Variants in FBXO4 observed in about 807,000 individuals in gnomAD.
The protein encoded by FBXO4 is F-box protein 4, also known as F-box only protein 4.
In FBXO4, 36 loss-of-function variants were observed where a neutral mutation model predicts 43.7. The observed-to-expected ratio is 0.82, with a 90% CI of 0.63 to 1.09. FBXO4 has a LOEUF of 1.09. FBXO4 is among the 50% of genes least tolerant of loss of function. FBXO4 has a pLI of 0.00. For synonymous variants in FBXO4, 180 were observed against 165.6 expected, an observed-to-expected ratio of 1.09 and a Z score of -0.67; for missense variants, 435 against 474.1, an observed-to-expected ratio of 0.92 and a Z score of 0.77.
chr5:41,958,376 G>T, the FBXO4 span, among the ~76,000 whole-genome samples: 430 of 152,124 alleles, frequency 2.8e-3, 1 homozygote, highest in African/African-American at 8.9e-3. Context: ...CCTCGTGATC[G>T]CCCACCTTGT....
At chr5:42,018,946 T>C in the FBXO4 span, among the ~76,000 whole-genome samples, 5 of 152,290 alleles carry the variant, frequency 3.3e-5, no homozygotes, top group African/African-American at 1.2e-4. Context: ...GTCAGCATCT[T>C]GTCATTCAGT....
the FBXO4 span, among the ~76,000 whole-genome samples, chr5:41,974,997 C>G: frequency 9.2e-5 from 14 of 152,156 alleles, no homozygotes; most frequent in African/African-American, 3.4e-4. Flanking sequence ...TGCTATGGTC[C>G]CAGTGCCATT....
downstream of FBXO4, among the ~76,000 whole-genome samples, chr5:41,943,354 A>G (rs62361679): frequency 2.4e-3 from 363 of 152,242 alleles, 2 homozygotes; most frequent in Non-Finnish European, 4.5e-3. Context: ...ACCTAACCCA[A>G]ATTTCCACTC....
At chr5:42,025,599 A>T in the FBXO4 span, among the ~76,000 whole-genome samples, 1 of 151,720 alleles carries the variant, frequency 6.6e-6, no homozygotes, top group East Asian at 1.9e-4. Flanking sequence ...TGGGGTATTA[A>T]TCAAGATTTT....
the FBXO4 span, among the ~76,000 whole-genome samples, chr5:41,976,673 C>T: frequency 1.4e-4 from 21 of 152,138 alleles, no homozygotes; most frequent in Non-Finnish European, 2.2e-4. Context: ...CAGGGTGAAG[C>T]CCCTGTGGAT....
the FBXO4 span, among the ~76,000 whole-genome samples, chr5:42,017,948 G>A: frequency 2.6e-5 from 4 of 151,586 alleles, no homozygotes; most frequent in African/African-American, 9.7e-5. Context: ...TTTTCTTTTG[G>A]ATATATACTC....
chr5:41,990,015 G>A, the FBXO4 span, among the ~76,000 whole-genome samples: 1 of 152,090 alleles, frequency 6.6e-6, no homozygotes, highest in Non-Finnish European at 1.5e-5. Context: ...TACGAAGTAG[G>A]ATTTAGACCT....
At chr5:41,999,514 T>C in the FBXO4 span, among the ~76,000 whole-genome samples, 12 of 119,372 alleles carry the variant, frequency 1.0e-4, no homozygotes, top group African/African-American at 4.3e-4. Context: ...TGTGTATATA[T>C]ATATATATAC....
At chr5:41,961,807 G>A in the FBXO4 span, among the ~76,000 whole-genome samples, 8,963 of 152,216 alleles carry the variant, frequency 0.059, 371 homozygotes, top group Non-Finnish European at 0.09. Context: ...CTTTTCTGGC[G>A]TTCCTGGACA....
chr5:41,934,737 T>C (rs746462423), intron 5 of FBXO4: 129 of 1,025,702 alleles, frequency 1.3e-4, no homozygotes, highest in Admixed American at 4.5e-4. Context: ...TGAAAAATTT[T>C]ATCTTTGTTT....
At chr5:41,972,424 A>G in the FBXO4 span, among the ~76,000 whole-genome samples, 1 of 152,128 alleles carries the variant, frequency 6.6e-6, no homozygotes, top group Non-Finnish European at 1.5e-5. Context: ...CAAATTAAGA[A>G]ACACTGCTGA....
At chr5:41,932,206 G>A (rs1036016053) in intron 3 of FBXO4, among the ~76,000 whole-genome samples, 3 of 152,326 alleles carry the variant, frequency 2.0e-5, no homozygotes, top group Admixed American at 6.5e-5. Context: ...TCAGCAAGAC[G>A]AGAGAATATG....
At chr5:41,955,449 A>G in the FBXO4 span, among the ~76,000 whole-genome samples, 1 of 152,194 alleles carries the variant, frequency 6.6e-6, no homozygotes, top group East Asian at 1.9e-4. Flanking sequence ...GATTTTCAAG[A>G]CTTCAAACAT....
intron 5 of FBXO4, 195 bp from the exon 6 acceptor site, chr5:41,939,246 G>A (rs1751933590): frequency 9.0e-6 from 4 of 442,400 alleles, no homozygotes; most frequent in Admixed American, 3.7e-5. Context: ...CAGAATTTGT[G>A]AAAGGAACTA....
At chr5:41,961,865 A>G in the FBXO4 span, among the ~76,000 whole-genome samples, 12 of 152,182 alleles carry the variant, frequency 7.9e-5, no homozygotes, top group Non-Finnish European at 1.2e-4. Flanking sequence ...AGTGTCCCCT[A>G]TGGAGCTGAC....
chr5:41,934,628 G>A, intron 5 of FBXO4: 1 of 1,173,852 alleles, frequency 8.5e-7, no homozygotes, highest in Non-Finnish European at 1.1e-6. Context: ...TTTGGTACTA[G>A]AGCTATACAA....
chr5:41,989,023 A>G, the FBXO4 span, among the ~76,000 whole-genome samples: 2 of 152,204 alleles, frequency 1.3e-5, no homozygotes, highest in Non-Finnish European at 2.9e-5. Flanking sequence ...ATGTAAGTCG[A>G]ACAAATTTTA....
chr5:41,991,883 A>T, the FBXO4 span, among the ~76,000 whole-genome samples: 1 of 152,202 alleles, frequency 6.6e-6, no homozygotes, highest in Admixed American at 6.5e-5. Flanking sequence ...TTTCGAGACC[A>T]GACTGACCAA....
chr5:42,039,685 G>A, the FBXO4 span, among the ~76,000 whole-genome samples: 5 of 152,158 alleles, frequency 3.3e-5, no homozygotes, highest in East Asian at 5.8e-4. Context: ...AAAGAATATG[G>A]CAAAAGAGAT....
Sources: gnomAD v4.1 joint callset for allele counts (sites outside exome capture counted in the v4.1 genomes callset) on GRCh38, gnomAD v4.1.1 for gene constraint, MANE v1.5 for transcripts, NCBI Gene and HGNC (gene_info 2026-07-23, HGNC 2026-07-21) for gene names.